Variants in C8orf34 observed in about 807,000 individuals in gnomAD.
C8orf34 encodes the protein chromosome 8 open reading frame 34.
A neutral mutation model predicts 68.3 loss-of-function variants in C8orf34; 65 were observed. That is an observed-to-expected ratio of 0.95 (90% CI 0.78 to 1.17). The LOEUF (loss-of-function observed/expected upper bound fraction) is 1.17. Among genes scored for constraint, C8orf34 ranks in the 50% most tolerant of loss-of-function variants. C8orf34 has a pLI of 0.00. For missense variants in C8orf34, 664 were observed against 655.4 expected (o/e 1.01, Z -0.14); for synonymous variants, 244 against 241.2 (o/e 1.01, Z -0.11).
In C8orf34 at chr8:68,488,721, T is replaced by C. The variant is rs148625248; in HGVS notation, c.765+670T>C. 1.7e-3 allele frequency among the ~76,000 whole-genome samples: 262 copies of C among 152,278 alleles called. 2 individuals carry two copies. The highest frequency in any genetic ancestry group is 6.1e-3 in the African/African-American group (254 of 41,566). On this transcript the variant is annotated intron_variant, in intron 5 of 13. Transcript: ENST00000518698. Reference sequence around the variant, plus strand: ...TCAAATTTGTCAGGTTTGGATAACATTAAGAGTTCTCATTTAGATTGTTTA... The same window carrying C: ...TCAAATTTGTCAGGTTTGGATAACACTAAGAGTTCTCATTTAGATTGTTTA...
Position 68,457,629 on chromosome 8 carries a change from T to C in C8orf34, c.608-11063T>C, listed in dbSNP as rs146729466. The stretch of plus-strand genomic sequence containing the variant: ...TTTGATGACTATAATAAAGAATTGC[T>C]CAAAAATTAGCACTCCTTAATATAC... On this transcript the variant is annotated intron_variant, in intron 3 of 13. Coordinates refer to ENST00000518698, the MANE Select transcript of C8orf34 (RefSeq NM_052958.4). 2.1e-3 allele frequency among the ~76,000 whole-genome samples: 327 copies of C among 152,260 alleles called. 1 individual carries two copies. Among genetic ancestry groups the C allele is most frequent in the African/African-American group, 7.1e-3 (294 of 41,556 alleles).
intron 10 of C8orf34, among the ~76,000 whole-genome samples, chr8:68,739,338 C>G (rs1295859632): frequency 6.6e-6 from 1 of 151,794 alleles, no homozygotes; most frequent in Non-Finnish European, 1.5e-5. Context: ...CAACGTCATA[C>G]CAAACGGATA....
intron 12 of C8orf34, among the ~76,000 whole-genome samples, chr8:68,809,095 C>T (rs1247876385): frequency 6.6e-6 from 1 of 151,674 alleles, no homozygotes; most frequent in Non-Finnish European, 1.5e-5. Flanking sequence ...CCCGGTGGTC[C>T]CAGACTAGTA....
intron 10 of C8orf34, among the ~76,000 whole-genome samples, chr8:68,724,856 C>A (rs1001788504): frequency 6.6e-6 from 1 of 151,992 alleles, no homozygotes; most frequent in East Asian, 1.9e-4. Flanking sequence ...ATTTCTATGG[C>A]TTTCTTATTT....
chr8:68,508,422 T>C (rs915953137), intron 5 of C8orf34, among the ~76,000 whole-genome samples: 4 of 152,348 alleles, frequency 2.6e-5, no homozygotes, highest in African/African-American at 9.6e-5. Flanking sequence ...CAATGGCATA[T>C]ATTTTGGGCT....
At chr8:68,413,248 T>G (rs1334961985) in intron 1 of C8orf34, among the ~76,000 whole-genome samples, 1 of 152,194 alleles carries the variant, frequency 6.6e-6, no homozygotes. Context: ...ATCTACTATT[T>G]CTGCTGTTGC....
intron 7 of C8orf34, among the ~76,000 whole-genome samples, chr8:68,539,892 T>G (rs745650166): frequency 6.6e-6 from 1 of 151,962 alleles, no homozygotes; most frequent in African/African-American, 2.4e-5. Context: ...ACTAAATACA[T>G]GTTAACGGAA....
At chr8:68,353,436 CATT>C (rs1585969704) in intron 1 of C8orf34, among the ~76,000 whole-genome samples, 1 of 151,406 alleles carries the variant, frequency 6.6e-6, no homozygotes, top group Non-Finnish European at 1.5e-5. Flanking sequence ...ATGATTGTTA[CATT>C]ATTATTTATA....
At chr8:68,392,217 T>A (rs1808506360) in intron 1 of C8orf34, among the ~76,000 whole-genome samples, 1 of 151,990 alleles carries the variant, frequency 6.6e-6, no homozygotes, top group African/African-American at 2.4e-5. Flanking sequence ...AATCTGGAGT[T>A]TACTTTCCAA....
intron 10 of C8orf34, among the ~76,000 whole-genome samples, chr8:68,748,453 T>C (rs1211955884): frequency 6.7e-6 from 1 of 149,802 alleles, no homozygotes; most frequent in Non-Finnish European, 1.5e-5. Context: ...ACAGGCAACC[T>C]ACAAAATGGG....
At chr8:68,773,773 T>C (rs1823421863) in intron 10 of C8orf34, among the ~76,000 whole-genome samples, 1 of 152,068 alleles carries the variant, frequency 6.6e-6, no homozygotes, top group Non-Finnish European at 1.5e-5. Context: ...CAAACTCCCG[T>C]TGTATGGCCC....
intron 8 of C8orf34, among the ~76,000 whole-genome samples, chr8:68,652,534 G>A (rs1169961098): frequency 3.9e-5 from 6 of 152,020 alleles, no homozygotes; most frequent in African/African-American, 1.2e-4. Context: ...TAAGAGTTTT[G>A]TAAATTTACC....
chr8:68,649,023 T>C (rs971687501), intron 8 of C8orf34, among the ~76,000 whole-genome samples: 3 of 152,234 alleles, frequency 2.0e-5, no homozygotes, highest in Admixed American at 6.5e-5. Context: ...GTTTATGATT[T>C]TTTTTCTTAA....
In C8orf34 at chr8:68,662,324, T is replaced by C. The variant is rs553764057; in HGVS notation, c.1241+21813T>C. ...CTATGATACAGTTAGTCTTTCCTAG[T>C]TGATGAGAGTCCTAGAAAGGGGGTA... On this transcript the variant is annotated intron_variant, in intron 8 of 13. Transcript: ENST00000518698. Among the ~76,000 whole-genome samples the C allele has an allele frequency of 4.9e-4, 74 of 152,228 alleles. 1 individual carries two copies. The highest frequency in any genetic ancestry group is 9.4e-4 in the Non-Finnish European group (64 of 68,034).
chr8:68,674,408 C>T (rs768793031), intron 8 of C8orf34, among the ~76,000 whole-genome samples: 54 of 152,098 alleles, frequency 3.6e-4, no homozygotes, highest in Non-Finnish European at 6.2e-4. Context: ...TTCAAGATAA[C>T]ACAGAGGGAA....
chr8:68,812,645 T>C (rs984637496), intron 12 of C8orf34, among the ~76,000 whole-genome samples: 1 of 152,206 alleles, frequency 6.6e-6, no homozygotes, highest in Non-Finnish European at 1.5e-5. Context: ...AAAATCCCTA[T>C]TTTTCATTGT....
intron 7 of C8orf34, among the ~76,000 whole-genome samples, chr8:68,628,067 A>G (rs1017353565): frequency 2.0e-5 from 3 of 152,198 alleles, no homozygotes; most frequent in Non-Finnish European, 4.4e-5. Context: ...CAAGAAGAGT[A>G]AATATTCTGT....
intron 7 of C8orf34, 159 bp downstream of exon 7, chr8:68,533,308 T>C (rs1815329553): frequency 7.3e-7 from 1 of 1,376,818 alleles, no homozygotes; most frequent in Admixed American, 3.3e-5. Context: ...TAAAGTTGCA[T>C]GTAAGAACTA....
In C8orf34 at chr8:68,643,007, C is replaced by T. The variant is rs76354700; in HGVS notation, c.1241+2496C>T. On this transcript the variant is annotated intron_variant, in intron 8 of 13. Transcript: ENST00000518698. ...CAGGTAGTAATGCTCCCTTGCCTGC[C>T]GCTAACCTCCTGCTGTGCCAGGAGG... Among the ~76,000 whole-genome samples, 940 of 152,226 alleles carry T rather than the reference C, an allele frequency of 6.2e-3. 13 individuals carry two copies. The highest frequency in any genetic ancestry group is 0.02 in the African/African-American group (837 of 41,552).
Sources: gnomAD v4.1 joint callset for allele counts (sites outside exome capture counted in the v4.1 genomes callset) on GRCh38, gnomAD v4.1.1 for gene constraint, MANE v1.5 for transcripts, NCBI Gene and HGNC (gene_info 2026-07-23, HGNC 2026-07-21) for gene names.